ZRANB3: variants seen among roughly 807,000 people sequenced by gnomAD.
ZRANB3 encodes the protein zinc finger RANBP2-type containing 3, also known as DNA annealing helicase and endonuclease ZRANB3.
In ZRANB3, 125 loss-of-function variants were observed where a neutral mutation model predicts 133.8. The ratio of observed to expected loss-of-function variants is 0.93; its 90% CI spans 0.81 to 1.08. The LOEUF is 1.08. ZRANB3 is among the 50% of genes least tolerant of loss of function. The probability of loss-of-function intolerance (pLI) is 0.00; values close to 1 mark genes in which losing one functional copy is unlikely to be tolerated. For missense variants in ZRANB3, 1,229 were observed against 1,275.5 expected, an observed-to-expected ratio of 0.96 and a Z score of 0.56; for synonymous variants, 387 against 432.7, an observed-to-expected ratio of 0.89 and a Z score of 1.31.
chr2:135,383,523 C>T (rs941094665), intron 3 of ZRANB3, among the ~76,000 whole-genome samples: 1 of 152,096 alleles, frequency 6.6e-6, no homozygotes, highest in African/African-American at 2.4e-5. Flanking sequence ...AACTCTCCAC[C>T]CCAAATCAAC....
intron 12 of ZRANB3, among the ~76,000 whole-genome samples, chr2:135,236,128 T>C (rs1427475222): frequency 6.6e-6 from 1 of 152,156 alleles, no homozygotes; most frequent in Non-Finnish European, 1.5e-5. Flanking sequence ...ATCACAAGCA[T>C]TCTTATACAC....
In ZRANB3 at chr2:135,417,571, C is replaced by G. The variant is rs140757861; in HGVS notation, c.162-26751G>C. On this transcript the variant is annotated intron_variant, in intron 2 of 20. Coordinates refer to ENST00000264159, the MANE Select transcript of ZRANB3 (RefSeq NM_032143.4). ...AGGGTGGCGATTCCTCAGGGATCTA[C>G]AACTAGAAATACCATTTGACCCAGC... is the stretch of plus-strand genomic sequence containing the variant. Among the ~76,000 whole-genome samples the G allele has an allele frequency of 8.7e-3, 1,320 of 152,204 alleles. 18 individuals carry two copies. Among genetic ancestry groups the G allele is most frequent in the African/African-American group, 0.029 (1,184 of 41,522 alleles).
intron 2 of ZRANB3, among the ~76,000 whole-genome samples, chr2:135,417,854 G>A (rs1052197738): frequency 3.9e-5 from 6 of 152,008 alleles, no homozygotes; most frequent in Non-Finnish European, 5.9e-5. Context: ...GTAAACTATC[G>A]CAAGGACAAA....
intron 12 of ZRANB3, among the ~76,000 whole-genome samples, chr2:135,263,493 C>A (rs1165933779): frequency 1.3e-5 from 2 of 152,082 alleles, no homozygotes; most frequent in Non-Finnish European, 2.9e-5. Flanking sequence ...AGAGGAACAA[C>A]AACAACAAAA....
intron 2 of ZRANB3, among the ~76,000 whole-genome samples, chr2:135,402,381 G>A (rs1445847006): frequency 3.4e-5 from 5 of 148,368 alleles, no homozygotes; most frequent in South Asian, 4.2e-4. Flanking sequence ...TGCAACCTCC[G>A]GCTCCCAGGT....
chr2:135,426,067 CA>C (rs1014884795), intron 2 of ZRANB3, among the ~76,000 whole-genome samples: 3 of 151,982 alleles, frequency 2.0e-5, no homozygotes, highest in African/African-American at 7.2e-5. Context: ...TGACAGCAAA[CA>C]AACTAGAAAA....
chr2:135,374,748 C>T (rs1298848303), intron 3 of ZRANB3, among the ~76,000 whole-genome samples: 5 of 151,996 alleles, frequency 3.3e-5, no homozygotes, highest in South Asian at 2.1e-4. Flanking sequence ...GTGATCTGGC[C>T]GCCTTGGCCT....
At position 135,528,141 on chromosome 2, in the gene ZRANB3, C is replaced by CT. The variant is rs527625438; in HGVS notation, c.-8+2985dup. Among the ~76,000 whole-genome samples, 1,366 of 141,970 alleles carry CT rather than the reference C, an allele frequency of 9.6e-3. 20 individuals are homozygous for CT. Among genetic ancestry groups the CT allele is most frequent in the African/African-American group, 0.027 (1,067 of 39,032 alleles). 93.1% of individuals were successfully genotyped at this position (141,970 alleles called of 152,430 possible). ...AATAGGGGCCTCAGACCTTAAAGCT[C>CT]TTTTTTTTTTTTTTGTGGTTTGTTT... On this transcript the variant is annotated intron_variant, in intron 1 of 20. Coordinates refer to ENST00000264159, the MANE Select transcript of ZRANB3 (RefSeq NM_032143.4).
intron 2 of ZRANB3, among the ~76,000 whole-genome samples, chr2:135,423,369 T>G (rs1295147617): frequency 6.6e-6 from 1 of 152,136 alleles, no homozygotes; most frequent in Admixed American, 6.5e-5. Context: ...AGGCGGAGGT[T>G]GCAGTGAGCC....
rs1693557061 is a variant in ZRANB3, at chr2:135,200,066, T to C, written c.*276A>G. The C allele has an allele frequency of 2.1e-6, 1 of 478,462 alleles. No individual in the cohort carries two copies. Among genetic ancestry groups the C allele is most frequent in the South Asian group, 2.0e-5 (1 of 50,262 alleles). The allele number at this position is 478,462 out of a possible 1,614,324, so 29.6% of individuals were successfully genotyped here. A position where few individuals can be genotyped will look rare whatever the true frequency, so the allele number is the denominator to read the frequency against. On this transcript the variant is annotated 3_prime_UTR_variant, in exon 21 of 21. Coordinates refer to ENST00000264159, the MANE Select transcript of ZRANB3 (RefSeq NM_032143.4). ...TGCACAATACAGTGATTAGGCATATTAGGGGTAAAGAGCTTTACAAAACAT... is the reference window on the plus strand; with the variant it reads ...TGCACAATACAGTGATTAGGCATATCAGGGGTAAAGAGCTTTACAAAACAT...
intron 2 of ZRANB3, among the ~76,000 whole-genome samples, chr2:135,450,143 G>C (rs1438217050): frequency 6.6e-6 from 1 of 152,036 alleles, no homozygotes; most frequent in Non-Finnish European, 1.5e-5. Flanking sequence ...TTCCAAAGGT[G>C]GAGTCTCTTG....
At chr2:135,503,449 A>C (rs1453528728) in intron 2 of ZRANB3, among the ~76,000 whole-genome samples, 1 of 152,214 alleles carries the variant, frequency 6.6e-6, no homozygotes, top group Non-Finnish European at 1.5e-5. Context: ...ACTGTTCATA[A>C]TAAAATGTTG....
At chr2:135,221,304 A>T (rs776384668) in intron 15 of ZRANB3, among the ~76,000 whole-genome samples, 10 of 152,158 alleles carry the variant, frequency 6.6e-5, no homozygotes, top group Non-Finnish European at 1.3e-4. Context: ...GGGACATGTA[A>T]GTATTTAGAA....
intron 2 of ZRANB3, among the ~76,000 whole-genome samples, chr2:135,500,055 G>C (rs1390696804): frequency 6.6e-6 from 1 of 152,120 alleles, no homozygotes; most frequent in Non-Finnish European, 1.5e-5. Flanking sequence ...TCAAGAAAGA[G>C]AGCCCTGGAA....
Position 135,418,925 on chromosome 2 carries a change from C to CTTTTTT in ZRANB3, c.162-28111_162-28106dup, listed in dbSNP as rs769271961. The stretch of plus-strand genomic sequence containing the variant: ...AAGTAATGAAAAATAAGGATTCTCT[C>CTTTTTT]TTTTTTTTTTTTTTTTTTTTTTTTT... On this transcript the variant is annotated intron_variant, in intron 2 of 20. Coordinates refer to ENST00000264159, the MANE Select transcript of ZRANB3 (RefSeq NM_032143.4). Among the ~76,000 whole-genome samples the CTTTTTT allele has an allele frequency of 8.6e-4, 74 of 85,898 alleles. 3 individuals are homozygous for CTTTTTT. The highest frequency in any genetic ancestry group is 2.2e-3 in the South Asian group (4 of 1,844). The allele number at this position is 85,898 out of a possible 152,430, so 56.4% of individuals were successfully genotyped here.
intron 13 of ZRANB3, among the ~76,000 whole-genome samples, chr2:135,228,562 T>C (rs549029659): frequency 7.9e-5 from 12 of 152,264 alleles, no homozygotes; most frequent in Admixed American, 2.6e-4. Flanking sequence ...ATGGAGGCTA[T>C]TGAGGTCTGG....
chr2:135,352,337 A>AAAAAAAAAATTAATT (rs1685244863), intron 4 of ZRANB3, among the ~76,000 whole-genome samples: 1 of 151,908 alleles, frequency 6.6e-6, no homozygotes, highest in South Asian at 2.1e-4. Context: ...GTCTCCAAAA[A>AAAAAAAAAATTAATT]AAAAAAAAAT....
chr2:135,266,335 A>T (rs755255659), intron 11 of ZRANB3, among the ~76,000 whole-genome samples: 4 of 152,164 alleles, frequency 2.6e-5, no homozygotes, highest in Non-Finnish European at 5.9e-5. Context: ...ACTCCCTAAC[A>T]TATTTCTTTT....
chr2:135,282,175 G>T (rs1370392582), intron 8 of ZRANB3, among the ~76,000 whole-genome samples: 2 of 151,760 alleles, frequency 1.3e-5, no homozygotes, highest in Non-Finnish European at 2.9e-5. Flanking sequence ...TTTATTTTGT[G>T]ATAGTTGATT....
Sources: allele counts gnomAD v4.1 joint callset (sites outside exome capture counted in the v4.1 genomes callset), GRCh38; gene constraint gnomAD v4.1.1; transcripts MANE v1.5; gene names NCBI Gene and HGNC (gene_info 2026-07-23, HGNC 2026-07-21).